Variants in GPHN observed in about 807,000 individuals in gnomAD.
GPHN encodes the protein gephyrin.
A neutral mutation model predicts 95.5 loss-of-function variants in GPHN; 17 were observed. That is an observed-to-expected ratio of 0.18 (90% CI 0.12 to 0.27). The LOEUF (loss-of-function observed/expected upper bound fraction) is 0.27. GPHN is among the 10% of genes least tolerant of loss of function. The probability of loss-of-function intolerance (pLI) is 1.00; values close to 1 mark genes in which losing one functional copy is unlikely to be tolerated. For missense variants in GPHN, 660 were observed against 978.1 expected, an observed-to-expected ratio of 0.67 and a Z score of 4.34; for synonymous variants, 320 against 322.5, an observed-to-expected ratio of 0.99 and a Z score of 0.08.
chr14:67,325,227 CCACAA>C, the GPHN span, among the ~76,000 whole-genome samples: 1 of 152,124 alleles, frequency 6.6e-6, no homozygotes, highest in African/African-American at 2.4e-5. Flanking sequence ...TGACTGTCCA[CCACAA>C]CACATTAACC....
At chr14:66,846,279 A>T (rs576994681) in intron 4 of GPHN, among the ~76,000 whole-genome samples, 1 of 152,272 alleles carries the variant, frequency 6.6e-6, no homozygotes, top group East Asian at 1.9e-4. Context: ...ACCAGCTAGT[A>T]CCATTCTATA....
the GPHN span, among the ~76,000 whole-genome samples, chr14:67,428,845 G>GA: frequency 7.2e-5 from 11 of 152,184 alleles, no homozygotes; most frequent in Middle Eastern, 3.2e-3. Flanking sequence ...TAGGGGGCCT[G>GA]CTGGAGAGAG....
chr14:67,317,359 T>C, the GPHN span: 1 of 1,461,734 alleles, frequency 6.8e-7, no homozygotes, highest in East Asian at 2.3e-5. Context: ...AGTTATGTGG[T>C]TTTGTTCACG....
the GPHN span, among the ~76,000 whole-genome samples, chr14:67,409,926 A>G: frequency 6.6e-6 from 1 of 152,252 alleles, no homozygotes; most frequent in East Asian, 1.9e-4. Flanking sequence ...TGGGACCACA[A>G]CAGGGTTCTG....
chr14:67,541,166 T>C, the GPHN span, among the ~76,000 whole-genome samples: 2 of 152,212 alleles, frequency 1.3e-5, no homozygotes, highest in East Asian at 3.8e-4. Context: ...GTCAAAGACA[T>C]TCAAAGCATT....
At chr14:67,651,428 A>C in the GPHN span, 17 of 1,614,084 alleles carry the variant, frequency 1.1e-5, no homozygotes, top group Non-Finnish European at 1.4e-5. Context: ...GCCTCCCAGG[A>C]TGGCGAGCTC....
chr14:67,184,880 T>C (rs1397633760), downstream of GPHN, among the ~76,000 whole-genome samples: 1 of 152,020 alleles, frequency 6.6e-6, no homozygotes, highest in African/African-American at 2.4e-5. Flanking sequence ...GAAAAAGCCA[T>C]GAATGGCATG....
intron 3 of GPHN, among the ~76,000 whole-genome samples, chr14:66,784,964 A>G (rs1485751552): frequency 2.6e-5 from 4 of 152,254 alleles, no homozygotes; most frequent in Non-Finnish European, 4.4e-5. Flanking sequence ...GATCCAATAA[A>G]TGCCATTCTA....
the GPHN span, chr14:67,572,380 T>C: frequency 5.9e-5 from 22 of 375,848 alleles, no homozygotes; most frequent in Middle Eastern, 5.4e-4. Context: ...AAGTGAGGGG[T>C]CCCTAGAGCT....
intron 1 of GPHN, among the ~76,000 whole-genome samples, chr14:66,573,883 A>G (rs8004106): frequency 0.31 from 47,351 of 151,948 alleles, 11,203 homozygotes; most frequent in African/African-American, 0.64. Context: ...CATTCAACCA[A>G]TTTGTGTCCT....
chr14:67,359,083 A>C, the GPHN span, among the ~76,000 whole-genome samples: 1 of 152,346 alleles, frequency 6.6e-6, no homozygotes, highest in African/African-American at 2.4e-5. Context: ...TGCCTCAGAA[A>C]CACAGGGATA....
chr14:66,785,139 G>A (rs1308340834), intron 3 of GPHN, among the ~76,000 whole-genome samples: 3 of 152,260 alleles, frequency 2.0e-5, no homozygotes, highest in East Asian at 1.9e-4. Context: ...AGGTCGAAGC[G>A]GGTGGATCAC....
At chr14:67,193,102 C>A in the GPHN span, among the ~76,000 whole-genome samples, 1 of 142,162 alleles carries the variant, frequency 7.0e-6, no homozygotes, top group Non-Finnish European at 1.5e-5. Context: ...CTCTATATAT[C>A]TCTATATAGA....
In GPHN at chr14:66,691,192, T is replaced by A. The variant is rs182146620; in HGVS notation, c.143+10007T>A. Among the ~76,000 whole-genome samples the A allele has an allele frequency of 2.3e-3, 353 of 152,106 alleles. 1 individual carries two copies. Among genetic ancestry groups the A allele is most frequent in the African/African-American group, 5.8e-3 (242 of 41,498 alleles). ...CACTGTCTCTACAATTTTTATTTTT[T>A]TTTTTTATTTTTAGATGGAGTCTCA... On this transcript the variant is annotated intron_variant, in intron 2 of 22. Transcript: ENST00000478722.
chr14:67,395,581 G>C, the GPHN span: 1 of 1,614,038 alleles, frequency 6.2e-7, no homozygotes, highest in Non-Finnish European at 8.5e-7. Flanking sequence ...GCTTAATGAG[G>C]AGCTGTGGGA....
At chr14:66,516,312 C>G (rs893987227) in intron 1 of GPHN, among the ~76,000 whole-genome samples, 1 of 152,050 alleles carries the variant, frequency 6.6e-6, no homozygotes, top group African/African-American at 2.4e-5. Context: ...GCCACCGTGC[C>G]TGGCCAGCAA....
chr14:67,656,659 C>A, the GPHN span: 2 of 1,490,602 alleles, frequency 1.3e-6, no homozygotes, highest in South Asian at 1.4e-5. Flanking sequence ...TATTCCTCAT[C>A]ACCTTCCCCA....
the GPHN span, among the ~76,000 whole-genome samples, chr14:67,482,530 AC>A: frequency 6.6e-6 from 1 of 151,808 alleles, no homozygotes; most frequent in African/African-American, 2.4e-5. Flanking sequence ...ATCCCCAGCC[AC>A]CCCCATCACT....
chr14:67,343,959 T>A, the GPHN span, among the ~76,000 whole-genome samples: 6 of 152,232 alleles, frequency 3.9e-5, no homozygotes, highest in African/African-American at 4.8e-5. Context: ...GTTTCCAAAT[T>A]AACCTGCCTG....
Sources: gnomAD v4.1 joint callset for allele counts (sites outside exome capture counted in the v4.1 genomes callset) on GRCh38, gnomAD v4.1.1 for gene constraint, MANE v1.5 for transcripts, NCBI Gene and HGNC (gene_info 2026-07-23, HGNC 2026-07-21) for gene names.